The following LIN52 variants were observed in gnomAD, a reference collection of about 807,000 sequenced individuals.
LIN52 encodes the protein protein lin-52 homolog.
LIN52 carries 4 observed loss-of-function variants against 18.5 expected under a neutral mutation model. That is an observed-to-expected ratio of 0.22 (90% CI 0.11 to 0.49). The LOEUF is 0.49. Ranked by LOEUF, LIN52 falls within the 20% of genes least tolerant of loss-of-function variation. The pLI is 0.97. For missense variants in LIN52, 102 were observed against 139.5 expected (o/e 0.73, Z 1.35); for synonymous variants, 34 against 45.5 (o/e 0.75, Z 1.02).
chr14:74,157,965 A>G (rs1408494997), intron 5 of LIN52, among the ~76,000 whole-genome samples: 1 of 152,126 alleles, frequency 6.6e-6, no homozygotes, highest in Non-Finnish European at 1.5e-5. Context: ...CTTTCTTTCA[A>G]CTTCAGGGGT....
At chr14:74,131,118 C>T (rs1409722976) in intron 5 of LIN52, among the ~76,000 whole-genome samples, 3 of 151,860 alleles carry the variant, frequency 2.0e-5, no homozygotes, top group African/African-American at 2.4e-5. Flanking sequence ...TTAAGTATTC[C>T]TATTGTCTAT....
intron 5 of LIN52, among the ~76,000 whole-genome samples, chr14:74,137,498 CT>C (rs71460959): frequency 0.13 from 14,753 of 111,228 alleles, 1,026 homozygotes; most frequent in Admixed American, 0.21. Context: ...CAGCAGCTCT[CT>C]TTTTTTTTTT....
chr14:74,199,046 G>A lies in LIN52; in HGVS notation c.*69G>A, dbSNP rs1381308628. On this transcript the variant is annotated 3_prime_UTR_variant, in exon 6 of 6. Transcript: ENST00000555028. Reference sequence around the variant, plus strand: ...CCCTTCCCGGTGCACCTCTAACAATGCACACCTCACTGCTTGCTTGGGAGA... The same window carrying A: ...CCCTTCCCGGTGCACCTCTAACAATACACACCTCACTGCTTGCTTGGGAGA... 3 of 1,088,902 alleles carry A rather than the reference G, an allele frequency of 2.8e-6. No homozygotes were observed. Among genetic ancestry groups the A allele is most frequent in the Non-Finnish European group, 4.2e-6 (3 of 707,220 alleles). The allele number at this position is 1,088,902 out of a possible 1,614,324, so 67.5% of individuals were successfully genotyped here. A position where few individuals can be genotyped will look rare whatever the true frequency, so the allele number is the denominator to read the frequency against.
chr14:74,173,888 C>T (rs917819006), intron 5 of LIN52, among the ~76,000 whole-genome samples: 1 of 152,204 alleles, frequency 6.6e-6, no homozygotes, highest in African/African-American at 2.4e-5. Context: ...GATTTTCTGC[C>T]CGTTCTCTTG....
At chr14:74,114,074 G>A (rs1407759106) in intron 5 of LIN52, 7 of 915,174 alleles carry the variant, frequency 7.6e-6, no homozygotes, top group Admixed American at 6.3e-5. Flanking sequence ...CCTACCTCCC[G>A]GGCTCAAGCA....
At chr14:74,103,929 G>C (rs964382515) in intron 5 of LIN52, among the ~76,000 whole-genome samples, 24 of 146,390 alleles carry the variant, frequency 1.6e-4, no homozygotes, top group African/African-American at 5.6e-4. Flanking sequence ...GTCTCGCTCT[G>C]TCGCCAGGTT....
chr14:74,112,878 A>G (rs192878888), intron 5 of LIN52, among the ~76,000 whole-genome samples: 18 of 152,336 alleles, frequency 1.2e-4, no homozygotes, highest in African/African-American at 3.6e-4. Flanking sequence ...GAAAAGCTCT[A>G]TGAGAGTACA....
chr14:74,095,324 G>A (rs142228130), intron 2 of LIN52, among the ~76,000 whole-genome samples: 2,024 of 151,574 alleles, frequency 0.013, 44 homozygotes, highest in African/African-American at 0.045. Flanking sequence ...TTGTAGAGAC[G>A]GGGTTTCACT....
chr14:74,105,856 T>C (rs977329629), intron 5 of LIN52, among the ~76,000 whole-genome samples: 1 of 152,224 alleles, frequency 6.6e-6, no homozygotes, highest in Admixed American at 6.5e-5. Context: ...AAGAGCATTG[T>C]TAAATGTTAG....
At chr14:74,097,609 T>G (rs1358883796) in intron 3 of LIN52, among the ~76,000 whole-genome samples, 185 bp from the exon 4 acceptor site, 1 of 152,000 alleles carries the variant, frequency 6.6e-6, no homozygotes, top group African/African-American at 2.4e-5. Flanking sequence ...ATTTTTTTTG[T>G]ATTTTTAGTA....
chr14:74,148,529 G>C (rs1466498642), intron 5 of LIN52, among the ~76,000 whole-genome samples: 1 of 151,986 alleles, frequency 6.6e-6, no homozygotes, highest in Non-Finnish European at 1.5e-5. Context: ...AAGGTGTTTG[G>C]AAAAAGTCTT....
intron 2 of LIN52, among the ~76,000 whole-genome samples, chr14:74,091,535 G>A (rs921683297): frequency 6.6e-6 from 1 of 151,914 alleles, no homozygotes; most frequent in Admixed American, 6.6e-5. Context: ...TTGGGAGGCC[G>A]AGTTGGGAGG....
intron 5 of LIN52, among the ~76,000 whole-genome samples, chr14:74,138,919 G>C (rs188239185): frequency 1.3e-5 from 2 of 148,626 alleles, no homozygotes; most frequent in East Asian, 4.1e-4. Context: ...AATAATTGTG[G>C]CTTACACAAG....
At chr14:74,143,566 C>T (rs768577709) in intron 5 of LIN52, among the ~76,000 whole-genome samples, 41 of 151,382 alleles carry the variant, frequency 2.7e-4, no homozygotes, top group Non-Finnish European at 4.4e-4. Flanking sequence ...CCACATAGTC[C>T]GCCAAAAAAG....
chr14:74,135,507 G>A (rs915279940), intron 5 of LIN52, among the ~76,000 whole-genome samples: 2 of 152,010 alleles, frequency 1.3e-5, no homozygotes, highest in African/African-American at 2.4e-5. Context: ...ATAAGTTCTC[G>A]TCTGCTTACA....
intron 5 of LIN52, among the ~76,000 whole-genome samples, chr14:74,193,683 AC>A (rs1191979282): frequency 6.6e-6 from 1 of 152,134 alleles, no homozygotes; most frequent in Non-Finnish European, 1.5e-5. Context: ...TGCCTGTGTG[AC>A]TTTGTATTAA....
chr14:74,106,195 A>T (rs1056338664), intron 5 of LIN52, among the ~76,000 whole-genome samples: 2 of 152,156 alleles, frequency 1.3e-5, no homozygotes, highest in Non-Finnish European at 2.9e-5. Context: ...TACTGGAACT[A>T]TGTTACAGTC....
chr14:74,097,352 T>C, intron 3 of LIN52, among the ~76,000 whole-genome samples: 1 of 152,166 alleles, frequency 6.6e-6, no homozygotes, highest in East Asian at 1.9e-4. Context: ...GAAATCCAGG[T>C]TTTTGAAATT....
chr14:74,174,085 TG>T (rs2061282146), intron 5 of LIN52, among the ~76,000 whole-genome samples: 1 of 152,234 alleles, frequency 6.6e-6, no homozygotes. Context: ...ATTTAATTTT[TG>T]CTCAGCTCTA....
Sources: gnomAD v4.1 joint callset for allele counts (sites outside exome capture counted in the v4.1 genomes callset) on GRCh38, gnomAD v4.1.1 for gene constraint, MANE v1.5 for transcripts, NCBI Gene and HGNC (gene_info 2026-07-23, HGNC 2026-07-21) for gene names.